Variants in TMEM178B observed in about 807,000 individuals in gnomAD.
TMEM178B encodes transmembrane protein 178B.
Under a neutral mutation model 31.0 loss-of-function variants are expected in TMEM178B, and 5 were observed. That is an observed-to-expected ratio of 0.16 (90% CI 0.08 to 0.34). The LOEUF (loss-of-function observed/expected upper bound fraction) is 0.34, where lower values mean the gene tolerates loss of function less well. TMEM178B is among the 10% of genes least tolerant of loss of function. TMEM178B has a pLI of 1.00. For synonymous variants in TMEM178B, 164 were observed against 164.0 expected (o/e 1.00, Z 0.00); for missense variants, 275 against 400.3 (o/e 0.69, Z 2.67).
chr7:141,419,631 C>T (rs1801163994), intron 2 of TMEM178B, among the ~76,000 whole-genome samples: 1 of 152,192 alleles, frequency 6.6e-6, no homozygotes, highest in Middle Eastern at 3.2e-3. Flanking sequence ...AGTGGCTTGC[C>T]ATGGCCTTCG....
intron 2 of TMEM178B, among the ~76,000 whole-genome samples, chr7:141,425,189 G>A (rs1303479545): frequency 6.6e-6 from 1 of 152,152 alleles, no homozygotes; most frequent in Admixed American, 6.5e-5. Context: ...CCTTTCCCAG[G>A]CTTTTCAAAT....
At chr7:141,226,170 G>A (rs1203992719) in intron 2 of TMEM178B, among the ~76,000 whole-genome samples, 6 of 152,144 alleles carry the variant, frequency 3.9e-5, no homozygotes, top group African/African-American at 1.4e-4. Context: ...ACTAGAAAAA[G>A]CTACTGTGCA....
Position 141,478,655 on chromosome 7 carries a change from A to G in TMEM178B, c.*7869A>G, listed in dbSNP as rs1258134063. The G allele has an allele frequency of 6.6e-6, 1 of 152,250 alleles. No homozygotes were observed. The highest frequency in any genetic ancestry group is 1.5e-5 in the Non-Finnish European group (1 of 68,028). The allele number at this position is 152,250 out of a possible 1,614,324, so 9.4% of individuals were successfully genotyped here. On this transcript the variant is annotated 3_prime_UTR_variant, in exon 4 of 4. Transcript: ENST00000565468. ...ATAGTATCACTTCAGCATGGAATCA[A>G]TATAAAAATTACTGGGATATTTTAC...
At chr7:141,224,410 G>A (rs1797306903) in intron 2 of TMEM178B, among the ~76,000 whole-genome samples, 1 of 152,162 alleles carries the variant, frequency 6.6e-6, no homozygotes, top group Admixed American at 6.5e-5. Flanking sequence ...TTGATTACAA[G>A]CATTCATACA....
At chr7:141,281,980 T>G (rs1436507242) in intron 2 of TMEM178B, among the ~76,000 whole-genome samples, 1 of 152,188 alleles carries the variant, frequency 6.6e-6, no homozygotes, top group East Asian at 1.9e-4. Context: ...AATGACCATT[T>G]TGCTGGTAGA....
chr7:141,441,751 C>A (rs1264883235), intron 3 of TMEM178B, among the ~76,000 whole-genome samples: 5 of 152,318 alleles, frequency 3.3e-5, no homozygotes, highest in Admixed American at 1.3e-4. Flanking sequence ...CTATCCCCAA[C>A]CTCTCCTCTC....
intron 2 of TMEM178B, among the ~76,000 whole-genome samples, chr7:141,271,766 G>A (rs1298472029): frequency 2.0e-5 from 3 of 152,172 alleles, no homozygotes; most frequent in Non-Finnish European, 4.4e-5. Flanking sequence ...CAAGTATGGT[G>A]CTGCCTAGTG....
intron 1 of TMEM178B, among the ~76,000 whole-genome samples, chr7:141,155,968 G>GGCAGGAGAATCGCTTGAAC (rs2129181016): frequency 6.6e-6 from 1 of 152,288 alleles, no homozygotes; most frequent in African/African-American, 2.4e-5. Flanking sequence ...GAGAGGCTGA[G>GGCAGGAGAATCGCTTGAAC]GCAGGAGAAT....
chr7:141,450,444 T>C (rs946233005), intron 3 of TMEM178B, among the ~76,000 whole-genome samples: 12 of 152,348 alleles, frequency 7.9e-5, no homozygotes, highest in East Asian at 1.9e-4. Flanking sequence ...AGAGATATAT[T>C]AGCTGTTTTC....
chr7:141,181,547 G>A (rs1260418398), intron 1 of TMEM178B, among the ~76,000 whole-genome samples: 2 of 152,208 alleles, frequency 1.3e-5, no homozygotes, highest in Non-Finnish European at 2.9e-5. Flanking sequence ...AGTGGATTGG[G>A]AGGTTATATC....
intron 2 of TMEM178B, among the ~76,000 whole-genome samples, chr7:141,322,381 AT>A (rs1037676490): frequency 9.3e-5 from 13 of 139,050 alleles, no homozygotes; most frequent in Admixed American, 2.9e-4. Flanking sequence ...AAAAAAAAAA[AT>A]TAGCCGGGCA....
chr7:141,261,024 A>G (rs911158615), intron 2 of TMEM178B, among the ~76,000 whole-genome samples: 1 of 152,238 alleles, frequency 6.6e-6, no homozygotes, highest in African/African-American at 2.4e-5. Flanking sequence ...TAATAATATA[A>G]ATGATAACCC....
intron 1 of TMEM178B, among the ~76,000 whole-genome samples, chr7:141,143,616 GT>G (rs1350717616): frequency 6.6e-6 from 1 of 152,172 alleles, no homozygotes; most frequent in Non-Finnish European, 1.5e-5. Flanking sequence ...TTTGGTTGCT[GT>G]AGGCTTATAA....
chr7:141,386,624 C>T (rs139536448), intron 2 of TMEM178B, among the ~76,000 whole-genome samples: 140 of 152,264 alleles, frequency 9.2e-4, no homozygotes, highest in African/African-American at 3.2e-3. Context: ...AGAACATTCT[C>T]GGGTTTTAAA....
intron 2 of TMEM178B, among the ~76,000 whole-genome samples, chr7:141,402,857 G>A (rs565604315): frequency 6.6e-6 from 1 of 152,374 alleles, no homozygotes; most frequent in South Asian, 2.1e-4. Flanking sequence ...GTAGCAGAGG[G>A]AGTAGAATAG....
intron 2 of TMEM178B, among the ~76,000 whole-genome samples, chr7:141,372,115 A>C (rs994730646): frequency 6.6e-6 from 1 of 151,944 alleles, no homozygotes; most frequent in African/African-American, 2.4e-5. Context: ...TTCCCTCTTA[A>C]AGTCACTCTA....
the TMEM178B span, among the ~76,000 whole-genome samples, chr7:141,506,025 T>G: frequency 6.6e-6 from 1 of 152,248 alleles, no homozygotes. Flanking sequence ...CCTTTGCAGA[T>G]GACTCTGGGT....
At position 141,458,620 on chromosome 7, in the gene TMEM178B, A is replaced by AT. The variant is rs930761205; in HGVS notation, c.635-11906dup. ...GGTGATGGAGATGAAAACAGGAAAC[A>AT]TTTTTTTTTTGTCCTTGAGAACAAT... is the stretch of plus-strand genomic sequence containing the variant. On this transcript the variant is annotated intron_variant, in intron 3 of 3. Coordinates refer to ENST00000565468, the MANE Select transcript of TMEM178B (RefSeq NM_001195278.2). Among the ~76,000 whole-genome samples the AT allele has an allele frequency of 7.5e-3, 1,115 of 148,934 alleles. 16 individuals are homozygous for AT. Among genetic ancestry groups the AT allele is most frequent in the African/African-American group, 0.025 (1,008 of 40,694 alleles).
chr7:141,104,212 C>T (rs931456301), intron 1 of TMEM178B, among the ~76,000 whole-genome samples: 1 of 152,160 alleles, frequency 6.6e-6, no homozygotes, highest in African/African-American at 2.4e-5. Context: ...CTTTACCTCA[C>T]TTGGAGACTG....
Sources: allele counts gnomAD v4.1 joint callset (sites outside exome capture counted in the v4.1 genomes callset), GRCh38; gene constraint gnomAD v4.1.1; transcripts MANE v1.5; gene names NCBI Gene and HGNC (gene_info 2026-07-23, HGNC 2026-07-21).